BTBD10: variants seen among roughly 807,000 people sequenced by gnomAD.
BTBD10 encodes BTB domain containing 10, also known as BTB/POZ domain-containing protein 10.
BTBD10 carries 21 observed loss-of-function variants against 53.2 expected under a neutral mutation model. That is an observed-to-expected ratio of 0.39 (90% confidence interval 0.28 to 0.57). The LOEUF (loss-of-function observed/expected upper bound fraction) is 0.57, where lower values mean the gene tolerates loss of function less well. Ranked by LOEUF, BTBD10 falls within the 20% of genes least tolerant of loss-of-function variation. BTBD10 has a pLI of 0.53. For missense variants in BTBD10, 360 were observed against 594.7 expected (o/e 0.61, Z 4.10); for synonymous variants, 149 against 192.7 (o/e 0.77, Z 1.88).
rs1247977345 is a variant in BTBD10 at position 13,413,646 on chromosome 11, T to A, written c.692A>T (p.Tyr231Phe). Residue 231 changes from tyrosine to phenylalanine, a missense_variant, in exon 6 of 9, where the codon TAC becomes TTC. Coordinates refer to ENST00000278174, the MANE Select transcript of BTBD10 (RefSeq NM_032320.7). ...GSTVFRAILDYYKTGIIRCPD... is the reference protein window; with the variant it reads ...GSTVFRAILDFYKTGIIRCPD... Reference sequence around the variant, plus strand: ...ACAACGGATTATTCCTGTTTTATAGTAATCCTGGAAAAAGAAAAGTAAAGA... The same window carrying A: ...ACAACGGATTATTCCTGTTTTATAGAAATCCTGGAAAAAGAAAAGTAAAGA... The A allele has an allele frequency of 3.1e-6, 5 of 1,605,322 alleles. No homozygotes were observed. Among genetic ancestry groups the A allele is most frequent in the Middle Eastern group, 3.3e-4 (2 of 6,038 alleles).
intron 6 of BTBD10, among the ~76,000 whole-genome samples, chr11:13,409,356 G>A (rs1217434384): frequency 1.3e-5 from 2 of 152,006 alleles, no homozygotes; most frequent in African/African-American, 2.4e-5. Flanking sequence ...TGTTTATCAC[G>A]TTTTTCCCAA....
In BTBD10 at chr11:13,388,266, A is replaced by G. The variant is rs1291518509; in HGVS notation, c.*565T>C. On this transcript the variant is annotated 3_prime_UTR_variant, in exon 9 of 9. Transcript: ENST00000278174. Reference sequence around the variant, plus strand: ...CTCTGGAGATAACTGAACTGGTAAGATATGGGCATTAAATCTCATCCTGAT... The same window carrying G: ...CTCTGGAGATAACTGAACTGGTAAGGTATGGGCATTAAATCTCATCCTGAT... 6.5e-6 allele frequency: 1 copy of G among 153,648 alleles called. No individual in the cohort carries two copies. The highest frequency in any genetic ancestry group is 1.9e-4 in the East Asian group (1 of 5,218). The allele number at this position is 153,648 out of a possible 1,614,324, so 9.5% of individuals were successfully genotyped here. A position where few individuals can be genotyped will look rare whatever the true frequency, so the allele number is the denominator to read the frequency against.
intron 2 of BTBD10, among the ~76,000 whole-genome samples, chr11:13,438,096 T>A (rs1190299339): frequency 6.6e-6 from 1 of 152,148 alleles, no homozygotes; most frequent in African/African-American, 2.4e-5. Flanking sequence ...GATTTTTCCC[T>A]CTCATTGTCA....
chr11:13,411,278 A>G (rs1004929499), intron 6 of BTBD10, among the ~76,000 whole-genome samples: 1 of 152,212 alleles, frequency 6.6e-6, no homozygotes, highest in Non-Finnish European at 1.5e-5. Flanking sequence ...GAGAGAGAGA[A>G]CATGCAAGCA....
chr11:13,429,913 G>A (rs980048531), intron 2 of BTBD10, among the ~76,000 whole-genome samples: 5 of 151,966 alleles, frequency 3.3e-5, no homozygotes, highest in African/African-American at 9.7e-5. Context: ...AGACCAGCCT[G>A]GGCAACATAG....
chr11:13,435,435 C>G (rs933942713), intron 2 of BTBD10, among the ~76,000 whole-genome samples: 1 of 152,056 alleles, frequency 6.6e-6, no homozygotes, highest in Admixed American at 6.5e-5. Context: ...ATATGAAGTA[C>G]AAATACAAGA....
chr11:13,447,901 C>T (rs965354289), intron 1 of BTBD10, among the ~76,000 whole-genome samples: 9 of 152,008 alleles, frequency 5.9e-5, no homozygotes, highest in East Asian at 5.8e-4. Context: ...ACAAACATAA[C>T]GTGTTTTATG....
chr11:13,459,351 C>T (rs1591180589), intron 1 of BTBD10, among the ~76,000 whole-genome samples: 1 of 152,140 alleles, frequency 6.6e-6, no homozygotes, highest in Non-Finnish European at 1.5e-5. Context: ...AGCCACCATG[C>T]CTGGCTGGCT....
At chr11:13,435,124 G>A (rs529924435) in intron 2 of BTBD10, among the ~76,000 whole-genome samples, 11 of 152,240 alleles carry the variant, frequency 7.2e-5, no homozygotes, top group South Asian at 2.1e-4. Context: ...TACAAATTTC[G>A]GAGTTGGCAG....
At chr11:13,402,959 C>G (rs3761862) in intron 8 of BTBD10, among the ~76,000 whole-genome samples, 16,031 of 152,148 alleles carry the variant, frequency 0.11, 950 homozygotes, top group Middle Eastern at 0.15. Context: ...ACTAGAGAAT[C>G]TTATGGAATA....
chr11:13,444,643 T>A (rs1950721281), intron 2 of BTBD10, among the ~76,000 whole-genome samples: 1 of 152,152 alleles, frequency 6.6e-6, no homozygotes, highest in South Asian at 2.1e-4. Flanking sequence ...AACACTGACA[T>A]AAATCTATAT....
chr11:13,461,871 A>G (rs1431812050), intron 1 of BTBD10, among the ~76,000 whole-genome samples: 2 of 152,068 alleles, frequency 1.3e-5, no homozygotes, highest in Non-Finnish European at 1.5e-5. Flanking sequence ...ATACACGCTG[A>G]GAAATATTGG....
At chr11:13,389,526 C>G (rs1219832571) in intron 8 of BTBD10, among the ~76,000 whole-genome samples, 3 of 151,666 alleles carry the variant, frequency 2.0e-5, no homozygotes, top group Admixed American at 6.6e-5. Context: ...TTCCCAGGTT[C>G]AAGCAATTCT....
chr11:13,432,049 T>C (rs1013392554), intron 2 of BTBD10, among the ~76,000 whole-genome samples: 9 of 151,980 alleles, frequency 5.9e-5, no homozygotes, highest in Non-Finnish European at 1.3e-4. Context: ...ACTATTGATA[T>C]CTGCAACAAA....
chr11:13,440,387 T>C (rs1177785863), intron 2 of BTBD10: 18 of 811,978 alleles, frequency 2.2e-5, no homozygotes, highest in Non-Finnish European at 2.6e-5. Context: ...TATGTAGATA[T>C]GTTGCCAAAT....
chr11:13,413,709 T>C, intron 5 of BTBD10, 59 bp from the exon 6 acceptor site: 1 of 1,480,810 alleles, frequency 6.8e-7, no homozygotes, highest in Non-Finnish European at 9.1e-7. Context: ...AGCCAAAACT[T>C]ATTATTAAGG....
chr11:13,434,223 G>A (rs1196372946), intron 2 of BTBD10, among the ~76,000 whole-genome samples: 1 of 152,072 alleles, frequency 6.6e-6, no homozygotes, highest in Admixed American at 6.6e-5. Context: ...CAGCGCCTAA[G>A]AGTATCTTTT....
chr11:13,443,548 A>G (rs974611451), intron 2 of BTBD10, among the ~76,000 whole-genome samples: 4 of 152,130 alleles, frequency 2.6e-5, no homozygotes, highest in Non-Finnish European at 4.4e-5. Context: ...ACACATATAT[A>G]TAACATAGTA....
At chr11:13,421,292 T>C (rs1447306116) in intron 3 of BTBD10, among the ~76,000 whole-genome samples, 3 of 152,220 alleles carry the variant, frequency 2.0e-5, no homozygotes, top group Non-Finnish European at 4.4e-5. Flanking sequence ...TTTGTTAGCA[T>C]GATAATAACT....
Sources: gnomAD v4.1 joint callset for allele counts (sites outside exome capture counted in the v4.1 genomes callset) on GRCh38, gnomAD v4.1.1 for gene constraint, MANE v1.5 for transcripts, NCBI Gene and HGNC (gene_info 2026-07-23, HGNC 2026-07-21) for gene names.